Variants in NR2C2 observed in about 807,000 individuals in gnomAD.
NR2C2 encodes nuclear receptor subfamily 2 group C member 2.
NR2C2 carries 6 observed loss-of-function variants against 62.9 expected under a neutral mutation model. The ratio of observed to expected loss-of-function variants is 0.10; its 90% CI spans 0.05 to 0.19. NR2C2 has a LOEUF of 0.19. NR2C2 is among the 10% of genes least tolerant of loss of function. NR2C2 has a pLI of 1.00. For synonymous variants in NR2C2, 272 were observed against 273.8 expected, an observed-to-expected ratio of 0.99 and a Z score of 0.07; for missense variants, 479 against 762.7, an observed-to-expected ratio of 0.63 and a Z score of 4.38.
chr3:14,976,593 C>T (rs1205248503), intron 1 of NR2C2, among the ~76,000 whole-genome samples: 9 of 130,404 alleles, frequency 6.9e-5, no homozygotes, highest in African/African-American at 2.5e-4. Flanking sequence ...AGTCTGTCTT[C>T]CTTCCTTCCT....
chr3:15,005,469 A>C (rs1251526158), intron 2 of NR2C2, among the ~76,000 whole-genome samples: 10 of 136,474 alleles, frequency 7.3e-5, no homozygotes, highest in Non-Finnish European at 1.1e-4. Flanking sequence ...CACCTGCCTC[A>C]GCCTCCCAAA....
intron 1 of NR2C2, among the ~76,000 whole-genome samples, chr3:14,953,558 A>G (rs2039431315): frequency 6.6e-6 from 1 of 152,124 alleles, no homozygotes. Flanking sequence ...ATGCAGGGGA[A>G]AAAGTTTCCT....
chr3:14,991,545 A>T (rs541694897), intron 1 of NR2C2, among the ~76,000 whole-genome samples: 1 of 152,280 alleles, frequency 6.6e-6, no homozygotes, highest in Non-Finnish European at 1.5e-5. Flanking sequence ...TGAAGTGTTG[A>T]GAAGTACTGA....
At chr3:14,972,709 G>A (rs961651402) in intron 1 of NR2C2, among the ~76,000 whole-genome samples, 2 of 152,068 alleles carry the variant, frequency 1.3e-5, no homozygotes, top group African/African-American at 2.4e-5. Flanking sequence ...ATTGGCTCAC[G>A]GTTCCACAGG....
intron 1 of NR2C2, among the ~76,000 whole-genome samples, chr3:14,967,985 A>G (rs561190425): frequency 6.6e-5 from 10 of 151,710 alleles, no homozygotes; most frequent in Admixed American, 4.6e-4. Context: ...ACAAAAATCA[A>G]TTCAAGATGG....
chr3:14,966,199 A>G (rs765878507), intron 1 of NR2C2, among the ~76,000 whole-genome samples: 11 of 152,216 alleles, frequency 7.2e-5, no homozygotes, highest in Non-Finnish European at 1.3e-4. Context: ...ATCAGCAGAT[A>G]ATGAAGGAGC....
intron 1 of NR2C2, among the ~76,000 whole-genome samples, chr3:14,988,007 A>T (rs1463354002): frequency 1.3e-5 from 2 of 152,278 alleles, no homozygotes; most frequent in East Asian, 3.8e-4. Flanking sequence ...AGTTTGGGAC[A>T]TATAAATTGC....
chr3:15,029,335 T>C (rs1399267584), intron 8 of NR2C2, among the ~76,000 whole-genome samples: 5 of 152,208 alleles, frequency 3.3e-5, no homozygotes, highest in Admixed American at 2.0e-4. Context: ...ATAGTGATAG[T>C]ATGAGCTAAT....
At chr3:14,954,707 A>G (rs1478302052) in intron 1 of NR2C2, among the ~76,000 whole-genome samples, 1 of 152,200 alleles carries the variant, frequency 6.6e-6, no homozygotes, top group African/African-American at 2.4e-5. Flanking sequence ...GACTATGGGA[A>G]GGGGTGTGAG....
intron 2 of NR2C2, 30 bp from the exon 3 acceptor site, chr3:15,013,559 T>C (rs371030632): frequency 6.2e-7 from 1 of 1,607,126 alleles, no homozygotes. Flanking sequence ...TGACACTCCA[T>C]GAGAGCAGCC....
chr3:14,982,121 C>T (rs1402944356), intron 1 of NR2C2, among the ~76,000 whole-genome samples: 1 of 152,170 alleles, frequency 6.6e-6, no homozygotes, highest in Non-Finnish European at 1.5e-5. Context: ...GGCTATAGTA[C>T]AACGACAGGG....
chr3:15,036,721 A>C (rs1325720370), intron 11 of NR2C2, among the ~76,000 whole-genome samples: 1 of 152,132 alleles, frequency 6.6e-6, no homozygotes, highest in South Asian at 2.1e-4. Context: ...TTTCACTTTT[A>C]ATTGGGCATT....
rs548449589 is a variant in NR2C2 at position 15,002,762 on chromosome 3, G to A, written c.-39-1114G>A. On this transcript the variant is annotated intron_variant, in intron 1 of 13. Coordinates refer to ENST00000425241, the MANE Select transcript of NR2C2 (RefSeq NM_001291694.2). ...CAACCTCCGCCTCCCGGGTTCAAGC[G>A]ATTCTCCTGCCTCAGCCTCCCTAGT... Among the ~76,000 whole-genome samples, 39 of 142,580 alleles carry A rather than the reference G, an allele frequency of 2.7e-4. 1 individual carries two copies. The South Asian group carries it at 8.3e-3, about 30-fold the overall frequency. The allele number at this position is 142,580 out of a possible 152,430, so 93.5% of individuals were successfully genotyped here.
intron 3 of NR2C2, 58 bp downstream of exon 3, chr3:15,013,847 C>A: frequency 6.4e-7 from 1 of 1,567,950 alleles, no homozygotes; most frequent in Non-Finnish European, 8.8e-7. Flanking sequence ...TTGTTCCTGA[C>A]TTGTTCTTAC....
At chr3:14,991,240 G>T (rs2040661580) in intron 1 of NR2C2, among the ~76,000 whole-genome samples, 1 of 152,118 alleles carries the variant, frequency 6.6e-6, no homozygotes, top group Non-Finnish European at 1.5e-5. Context: ...GGATATATAT[G>T]TCATCAAGAG....
At chr3:15,021,544 C>T (rs1355287272) in intron 5 of NR2C2, among the ~76,000 whole-genome samples, 1 of 152,170 alleles carries the variant, frequency 6.6e-6, no homozygotes, top group Non-Finnish European at 1.5e-5. Context: ...GCATGGAGGT[C>T]ACTTCCCTAG....
At chr3:14,986,867 T>A (rs1282953026) in intron 1 of NR2C2, among the ~76,000 whole-genome samples, 1 of 152,230 alleles carries the variant, frequency 6.6e-6, no homozygotes, top group African/African-American at 2.4e-5. Context: ...GTGAACGTAA[T>A]TCTAAGTGTA....
In NR2C2 at chr3:15,039,182, A is replaced by G; in HGVS notation, c.1571A>G (p.Glu524Gly). The change falls in exon 13 of 14, where the codon GAG becomes GGG. Residue 524 changes from glutamate (E) to glycine (G), a missense_variant. Physicochemically the swap from Glu to Gly is moderately conservative, Grantham distance 98 (BLOSUM62 -2). This residue lies in a region of NR2C2 where 162 missense variants were observed against 296.8 expected (regional missense o/e 0.55). Coordinates refer to ENST00000425241, the MANE Select transcript of NR2C2 (RefSeq NM_001291694.2). ...AAATTCCAAGAAAAGGCACAGATGG[A>G]GTTGCAGGACTATGTTCAGAAAACC... Reference protein sequence around the residue: ...IEKFQEKAQMELQDYVQKTYS... With the variant: ...IEKFQEKAQMGLQDYVQKTYS... 6.2e-7 allele frequency: 1 copy of G among 1,614,112 alleles called. No homozygotes were observed. Among genetic ancestry groups the G allele is most frequent in the Non-Finnish European group, 8.5e-7 (1 of 1,179,996 alleles).
At chr3:15,025,449 T>A (rs1207226092) in intron 7 of NR2C2, 1 of 152,234 alleles carries the variant, frequency 6.6e-6, no homozygotes, top group East Asian at 1.9e-4. Flanking sequence ...ACCACAAAGC[T>A]GTATGGTATT....
Sources: allele counts gnomAD v4.1 joint callset (sites outside exome capture counted in the v4.1 genomes callset), GRCh38; gene constraint gnomAD v4.1.1; regional missense constraint gnomAD v4.1.1; transcripts MANE v1.5; gene names NCBI Gene and HGNC (gene_info 2026-07-23, HGNC 2026-07-21).